Variants in RAB38 observed in about 807,000 individuals in gnomAD.
The protein encoded by RAB38 is ras-related protein Rab-38.
In RAB38, 15 loss-of-function variants were observed where a neutral mutation model predicts 18.4. That is an observed-to-expected ratio of 0.82 (90% CI 0.55 to 1.26). The LOEUF is 1.26. RAB38 is among the 50% of genes most tolerant of loss of function. The pLI is 0.00. For missense variants in RAB38, 294 were observed against 267.4 expected (o/e 1.10, Z -0.69); for synonymous variants, 101 against 104.4 (o/e 0.97, Z 0.20).
chr11:87,946,406 A>ATACTT, the RAB38 span, among the ~76,000 whole-genome samples: 5 of 152,124 alleles, frequency 3.3e-5, no homozygotes, highest in African/African-American at 4.8e-5. Flanking sequence ...TTTTTAAATT[A>ATACTT]TACTTTAAGT....
the RAB38 span, among the ~76,000 whole-genome samples, chr11:87,936,960 C>T: frequency 3.3e-5 from 5 of 151,930 alleles, no homozygotes; most frequent in South Asian, 2.1e-4. Context: ...TATGCATTTT[C>T]ATTTCTTTCC....
the RAB38 span, among the ~76,000 whole-genome samples, chr11:88,063,076 T>C: frequency 6.6e-6 from 1 of 152,168 alleles, no homozygotes; most frequent in Non-Finnish European, 1.5e-5. Context: ...ATAGATCTAT[T>C]CATGCCCTGC....
At chr11:87,822,025 C>T in the RAB38 span, among the ~76,000 whole-genome samples, 2 of 151,552 alleles carry the variant, frequency 1.3e-5, no homozygotes, top group African/African-American at 4.9e-5. Flanking sequence ...AGAAGTATGC[C>T]TCTTCTAATT....
the RAB38 span, among the ~76,000 whole-genome samples, chr11:88,059,007 G>A: frequency 6.6e-6 from 1 of 151,718 alleles, no homozygotes; most frequent in Non-Finnish European, 1.5e-5. Flanking sequence ...GATTCCCTAA[G>A]AGTATTGCTT....
At chr11:87,963,651 CTT>C in the RAB38 span, among the ~76,000 whole-genome samples, 10 of 143,360 alleles carry the variant, frequency 7.0e-5, no homozygotes, top group Admixed American at 1.4e-4. Context: ...TTCTTTTTTT[CTT>C]TTTTTTTTTT....
At chr11:87,936,054 T>A in the RAB38 span, among the ~76,000 whole-genome samples, 1 of 152,162 alleles carries the variant, frequency 6.6e-6, no homozygotes, top group Non-Finnish European at 1.5e-5. Flanking sequence ...AAACACTAGT[T>A]CTTTGTAGGT....
chr11:87,968,748 T>A, the RAB38 span, among the ~76,000 whole-genome samples: 2 of 152,132 alleles, frequency 1.3e-5, no homozygotes, highest in Non-Finnish European at 2.9e-5. Context: ...CTTATTTTAT[T>A]GCAGACTTGT....
At chr11:87,970,498 T>C in the RAB38 span, among the ~76,000 whole-genome samples, 1 of 152,098 alleles carries the variant, frequency 6.6e-6, no homozygotes, top group Non-Finnish European at 1.5e-5. Flanking sequence ...TGTGCCCGAG[T>C]GCCTCACATA....
the RAB38 span, among the ~76,000 whole-genome samples, chr11:87,977,994 ACT>A: frequency 4.9e-5 from 5 of 102,432 alleles, no homozygotes; most frequent in Non-Finnish European, 7.2e-5. Flanking sequence ...TATCTTATAA[ACT>A]ATTATTTTAA....
At chr11:88,168,675 T>C (rs1359356011) in intron 1 of RAB38, among the ~76,000 whole-genome samples, 2 of 151,854 alleles carry the variant, frequency 1.3e-5, no homozygotes, top group East Asian at 3.9e-4. Flanking sequence ...TGCATTTTTA[T>C]ATAAAATGCA....
chr11:87,907,420 G>A, the RAB38 span, among the ~76,000 whole-genome samples: 2 of 151,630 alleles, frequency 1.3e-5, no homozygotes, highest in African/African-American at 4.8e-5. Flanking sequence ...GATGTTTAAA[G>A]TAGAATCAAG....
the RAB38 span, among the ~76,000 whole-genome samples, chr11:87,813,256 A>C: frequency 6.6e-6 from 1 of 152,186 alleles, no homozygotes; most frequent in South Asian, 2.1e-4. Context: ...GGCGGTAAGG[A>C]GGAAGAAGAT....
the RAB38 span, among the ~76,000 whole-genome samples, chr11:87,920,638 T>C: frequency 6.6e-6 from 1 of 152,080 alleles, no homozygotes. Flanking sequence ...TATTTGTGTA[T>C]GTCTATTAGG....
intron 1 of RAB38, among the ~76,000 whole-genome samples, chr11:88,169,090 G>T (rs1943278510): frequency 6.6e-6 from 1 of 152,194 alleles, no homozygotes; most frequent in Non-Finnish European, 1.5e-5. Context: ...GTAAAAAAGT[G>T]CTGTCTCTGG....
the RAB38 span, among the ~76,000 whole-genome samples, chr11:88,050,919 C>G: frequency 6.6e-6 from 1 of 152,136 alleles, no homozygotes. Flanking sequence ...TTCCTGCTGC[C>G]TGGCTCCAGA....
the RAB38 span, among the ~76,000 whole-genome samples, chr11:87,887,411 C>T: frequency 6.6e-5 from 10 of 151,348 alleles, no homozygotes; most frequent in Non-Finnish European, 1.5e-4. Flanking sequence ...ATATGCTCCG[C>T]AGAGTGCTGG....
intron 2 of RAB38, among the ~76,000 whole-genome samples, chr11:88,130,621 T>C (rs965553473): frequency 6.6e-6 from 1 of 152,210 alleles, no homozygotes; most frequent in South Asian, 2.1e-4. Context: ...AATGCCCCTC[T>C]TAATGTCCCT....
At chr11:87,957,731 C>G in the RAB38 span, among the ~76,000 whole-genome samples, 1 of 151,958 alleles carries the variant, frequency 6.6e-6, no homozygotes, top group Admixed American at 6.6e-5. Flanking sequence ...GAGAGGAGTT[C>G]TAACTTCTAT....
the RAB38 span, among the ~76,000 whole-genome samples, chr11:87,942,402 A>T: frequency 6.6e-6 from 1 of 152,114 alleles, no homozygotes; most frequent in East Asian, 1.9e-4. Context: ...GATGAATTCT[A>T]GGGTAATAAA....
Sources: allele counts gnomAD v4.1 joint callset (sites outside exome capture counted in the v4.1 genomes callset), GRCh38; gene constraint gnomAD v4.1.1; transcripts MANE v1.5; gene names NCBI Gene and HGNC (gene_info 2026-07-23, HGNC 2026-07-21).